The following EFCAB11 variants were observed in gnomAD, a reference collection of about 807,000 sequenced individuals.
The protein encoded by EFCAB11 is EF-hand calcium binding domain 11, also known as EF-hand calcium-binding domain-containing protein 11.
EFCAB11 carries 14 observed loss-of-function variants against 23.0 expected under a neutral mutation model. The ratio of observed to expected loss-of-function variants is 0.61; its 90% CI spans 0.40 to 0.95. The LOEUF (loss-of-function observed/expected upper bound fraction) is 0.95. EFCAB11 is among the 40% of genes least tolerant of loss of function. The pLI is 0.00. For missense variants in EFCAB11, 198 were observed against 195.8 expected (o/e 1.01, Z -0.07); for synonymous variants, 65 against 66.6 (o/e 0.98, Z 0.11).
At chr14:89,952,807 G>C (rs922233962) in intron 2 of EFCAB11, among the ~76,000 whole-genome samples, 1 of 152,178 alleles carries the variant, frequency 6.6e-6, no homozygotes, top group Non-Finnish European at 1.5e-5. Flanking sequence ...AAGCTGTCTG[G>C]TCTAATGAGA....
intron 5 of EFCAB11, among the ~76,000 whole-genome samples, chr14:89,862,357 A>G (rs1048301073): frequency 6.6e-6 from 1 of 152,142 alleles, no homozygotes. Context: ...TCTTTTAAAC[A>G]TTTTTGTTAG....
At chr14:89,948,209 C>T (rs954789131) in intron 3 of EFCAB11, among the ~76,000 whole-genome samples, 1 of 152,178 alleles carries the variant, frequency 6.6e-6, no homozygotes, top group African/African-American at 2.4e-5. Context: ...AGAACACATA[C>T]AAATGGCAAA....
intron 5 of EFCAB11, among the ~76,000 whole-genome samples, chr14:89,828,604 C>T (rs1886782033): frequency 6.6e-6 from 1 of 152,094 alleles, no homozygotes; most frequent in African/African-American, 2.4e-5. Flanking sequence ...TTTGTATGTA[C>T]TGGCTATGAA....
At chr14:89,870,301 G>A (rs1219583039) in intron 5 of EFCAB11, among the ~76,000 whole-genome samples, 2 of 152,128 alleles carry the variant, frequency 1.3e-5, no homozygotes, top group Non-Finnish European at 2.9e-5. Flanking sequence ...TACTATCTAA[G>A]AAAGGTAAAA....
At chr14:89,902,523 A>G (rs1323955980) in intron 5 of EFCAB11, among the ~76,000 whole-genome samples, 1 of 152,194 alleles carries the variant, frequency 6.6e-6, no homozygotes, top group Non-Finnish European at 1.5e-5. Flanking sequence ...GTAGATTAAT[A>G]AAAATATGCC....
At chr14:89,891,658 G>A (rs960869511) in intron 5 of EFCAB11, among the ~76,000 whole-genome samples, 37 of 152,010 alleles carry the variant, frequency 2.4e-4, no homozygotes, top group African/African-American at 8.9e-4. Context: ...AAACAAGAAA[G>A]GAAAATTACA....
At chr14:89,830,503 G>C (rs1886847792) in intron 5 of EFCAB11, 1 of 151,992 alleles carries the variant, frequency 6.6e-6, no homozygotes, top group African/African-American at 2.4e-5. Context: ...TTTTTACAAA[G>C]TATCGGTTTG....
At chr14:89,936,047 A>G (rs963290900) in intron 3 of EFCAB11, among the ~76,000 whole-genome samples, 1 of 151,978 alleles carries the variant, frequency 6.6e-6, no homozygotes, top group African/African-American at 2.4e-5. Flanking sequence ...AAATGATCTT[A>G]TAACTCTGTA....
chr14:89,823,797 T>C (rs982119915), intron 5 of EFCAB11, among the ~76,000 whole-genome samples: 1 of 152,206 alleles, frequency 6.6e-6, no homozygotes, highest in African/African-American at 2.4e-5. Context: ...CTGAAGTTAA[T>C]AATTCATGGA....
chr14:89,847,339 T>C (rs1363440844), intron 5 of EFCAB11, among the ~76,000 whole-genome samples: 1 of 152,126 alleles, frequency 6.6e-6, no homozygotes, highest in Non-Finnish European at 1.5e-5. Flanking sequence ...ATTCCTCCAG[T>C]ACCTCATTCA....
chr14:89,839,971 G>A (rs535061665), intron 5 of EFCAB11, among the ~76,000 whole-genome samples: 1 of 152,308 alleles, frequency 6.6e-6, no homozygotes, highest in East Asian at 1.9e-4. Flanking sequence ...GATATGAGAT[G>A]AGATTTGGGC....
rs372338670 is a variant in EFCAB11, at chr14:89,935,054, AT to A, written c.218-2428del. On this transcript the variant is annotated intron_variant, in intron 3 of 5. Coordinates refer to ENST00000316738, the MANE Select transcript of EFCAB11 (RefSeq NM_145231.4). The stretch of plus-strand genomic sequence containing the variant: ...TTTCTCCTTTTTTCTCCTAGTGAAT[AT>A]TTGTATCTCCTTCCAGATGCAACCC... 2.5e-4 allele frequency among the ~76,000 whole-genome samples: 38 copies of A among 152,242 alleles called. No individual in the cohort carries two copies. The South Asian group carries it at 7.7e-3, about 31-fold the overall frequency.
At chr14:89,936,836 T>TA (rs1890602344) in intron 3 of EFCAB11, among the ~76,000 whole-genome samples, 1 of 152,102 alleles carries the variant, frequency 6.6e-6, no homozygotes, top group Non-Finnish European at 1.5e-5. Context: ...AACCTAGAAA[T>TA]AGAGTTCCTA....
At chr14:89,868,369 C>T (rs1363717599) in intron 5 of EFCAB11, among the ~76,000 whole-genome samples, 1 of 152,178 alleles carries the variant, frequency 6.6e-6, no homozygotes, top group East Asian at 1.9e-4. Flanking sequence ...ACGTACAGGA[C>T]TATGTGGTCC....
At chr14:89,948,171 A>T (rs1393025360) in intron 3 of EFCAB11, among the ~76,000 whole-genome samples, 1 of 152,240 alleles carries the variant, frequency 6.6e-6, no homozygotes, top group Non-Finnish European at 1.5e-5. Context: ...ACATATTTAT[A>T]AATAATCAAA....
At chr14:89,892,050 T>C (rs1888988102) in intron 5 of EFCAB11, 2 of 1,539,094 alleles carry the variant, frequency 1.3e-6, no homozygotes, top group Non-Finnish European at 8.8e-7. Flanking sequence ...TACCGGAATG[T>C]GGTGGGTGTC....
At chr14:89,930,675 G>A (rs2139807691) in intron 5 of EFCAB11, among the ~76,000 whole-genome samples, 1 of 152,336 alleles carries the variant, frequency 6.6e-6, no homozygotes, top group Non-Finnish European at 1.5e-5. Context: ...GATACAGCCA[G>A]AGCAACAAGA....
intron 5 of EFCAB11, among the ~76,000 whole-genome samples, chr14:89,832,709 GC>G (rs1465309559): frequency 2.0e-5 from 3 of 152,128 alleles, no homozygotes; most frequent in Non-Finnish European, 4.4e-5. Context: ...CTACAGTTGG[GC>G]AAAATCATTT....
chr14:89,827,976 G>C (rs1886757376), intron 5 of EFCAB11, among the ~76,000 whole-genome samples: 2 of 152,056 alleles, frequency 1.3e-5, no homozygotes, highest in South Asian at 4.2e-4. Flanking sequence ...ACGTTTTCAT[G>C]ATCACCAGAG....
Sources: gnomAD v4.1 joint callset for allele counts (sites outside exome capture counted in the v4.1 genomes callset) on GRCh38, gnomAD v4.1.1 for gene constraint, MANE v1.5 for transcripts, NCBI Gene and HGNC (gene_info 2026-07-23, HGNC 2026-07-21) for gene names.